Variants in GRM7 observed in about 807,000 individuals in gnomAD.
GRM7 encodes metabotropic glutamate receptor 7.
Under a neutral mutation model 84.5 loss-of-function variants are expected in GRM7, and 35 were observed. The observed-to-expected ratio is 0.41, with a 90% CI of 0.32 to 0.55. GRM7 has a LOEUF of 0.55. Among genes scored for constraint, GRM7 ranks in the 20% least tolerant of loss-of-function variants. GRM7 has a pLI of 0.19. For missense variants in GRM7, 1,003 were observed against 1,194.6 expected, an observed-to-expected ratio of 0.84 and a Z score of 2.36; for synonymous variants, 487 against 455.1, an observed-to-expected ratio of 1.07 and a Z score of -0.89.
At chr3:7,365,834 A>G (rs1693866784) in intron 4 of GRM7, among the ~76,000 whole-genome samples, 1 of 150,662 alleles carries the variant, frequency 6.6e-6, no homozygotes, top group African/African-American at 2.4e-5. Context: ...TTCTCTTTGG[A>G]GGAGGTAGCT....
chr3:7,057,093 C>G (rs751705066), intron 1 of GRM7, among the ~76,000 whole-genome samples: 1 of 151,894 alleles, frequency 6.6e-6, no homozygotes, highest in Non-Finnish European at 1.5e-5. Flanking sequence ...ATTTCAAGAG[C>G]ATTTGGTATG....
intron 2 of GRM7, among the ~76,000 whole-genome samples, chr3:7,149,298 G>T (rs1029656659): frequency 6.6e-6 from 1 of 152,114 alleles, no homozygotes; most frequent in Non-Finnish European, 1.5e-5. Flanking sequence ...ATTTCTGTGG[G>T]CCTCTCATAA....
At chr3:7,645,617 C>G (rs1000703718) in intron 8 of GRM7, among the ~76,000 whole-genome samples, 9 of 149,282 alleles carry the variant, frequency 6.0e-5, no homozygotes, top group Non-Finnish European at 1.2e-4. Flanking sequence ...ACCCACCAAA[C>G]CTAATTGACA....
At chr3:7,652,349 A>G (rs1384290220) in intron 8 of GRM7, among the ~76,000 whole-genome samples, 8 of 152,180 alleles carry the variant, frequency 5.3e-5, no homozygotes, top group African/African-American at 1.9e-4. Flanking sequence ...GGATAGGGAA[A>G]GTTCTCAGAA....
intron 2 of GRM7, among the ~76,000 whole-genome samples, chr3:7,267,812 T>A (rs1029334256): frequency 2.6e-5 from 4 of 152,198 alleles, no homozygotes; most frequent in African/African-American, 9.6e-5. Context: ...GAGTTTTGGC[T>A]CTTTGCCTGA....
chr3:7,148,702 T>C (rs6787474), intron 2 of GRM7, among the ~76,000 whole-genome samples: 88,868 of 152,074 alleles, frequency 0.58, 27,539 homozygotes, highest in African/African-American at 0.8. Flanking sequence ...AAAAAGGAGA[T>C]GCTCTTATAA....
At chr3:7,494,436 T>G (rs551875769) in intron 7 of GRM7, among the ~76,000 whole-genome samples, 1 of 152,206 alleles carries the variant, frequency 6.6e-6, no homozygotes, top group Non-Finnish European at 1.5e-5. Flanking sequence ...TATCTTCACA[T>G]GTTTCTTTAG....
At chr3:6,894,720 C>T (rs1267585564) in intron 1 of GRM7, among the ~76,000 whole-genome samples, 3 of 152,128 alleles carry the variant, frequency 2.0e-5, no homozygotes, top group African/African-American at 7.2e-5. Context: ...AGCAGCTTTA[C>T]TCGATTCTGA....
intron 1 of GRM7, among the ~76,000 whole-genome samples, chr3:7,018,085 A>G (rs923492276): frequency 6.6e-6 from 1 of 152,250 alleles, no homozygotes; most frequent in Non-Finnish European, 1.5e-5. Flanking sequence ...CCATGATAAG[A>G]AAAAGGATAC....
intron 4 of GRM7, among the ~76,000 whole-genome samples, chr3:7,395,171 A>T (rs1193848615): frequency 6.6e-6 from 1 of 152,196 alleles, no homozygotes; most frequent in African/African-American, 2.4e-5. Flanking sequence ...TATGGATCCA[A>T]AATAGACTTT....
chr3:7,723,407 T>C (rs1702019956), intron 9 of GRM7, among the ~76,000 whole-genome samples: 1 of 152,174 alleles, frequency 6.6e-6, no homozygotes, highest in South Asian at 2.1e-4. Context: ...TTCCAGGCTC[T>C]TGTTAGATCC....
chr3:6,864,463 T>C (rs559908528), intron 1 of GRM7, among the ~76,000 whole-genome samples: 9 of 152,270 alleles, frequency 5.9e-5, no homozygotes, highest in African/African-American at 2.2e-4. Context: ...AGAATAATGG[T>C]ATACACACCC....
intron 2 of GRM7, among the ~76,000 whole-genome samples, chr3:7,159,375 T>G (rs1168388908): frequency 6.6e-6 from 1 of 152,188 alleles, no homozygotes; most frequent in South Asian, 2.1e-4. Context: ...AGGACTAAGT[T>G]CATCAGATAG....
At chr3:6,897,014 A>C (rs989941952) in intron 1 of GRM7, among the ~76,000 whole-genome samples, 1 of 152,282 alleles carries the variant, frequency 6.6e-6, no homozygotes, top group African/African-American at 2.4e-5. Flanking sequence ...AGTGTGGTGT[A>C]TTTCTGTTTG....
At chr3:7,145,739 A>T (rs1022283263) in intron 1 of GRM7, among the ~76,000 whole-genome samples, 2 of 152,122 alleles carry the variant, frequency 1.3e-5, no homozygotes, top group Admixed American at 6.5e-5. Context: ...CCCTGAAGGG[A>T]AAAGATAGAA....
intron 1 of GRM7, among the ~76,000 whole-genome samples, chr3:7,123,037 G>A (rs1341970982): frequency 6.6e-6 from 1 of 152,162 alleles, no homozygotes; most frequent in East Asian, 1.9e-4. Flanking sequence ...AGTGAAATTG[G>A]TAAATTAGAA....
At chr3:7,077,872 A>T (rs1052724464) in intron 1 of GRM7, among the ~76,000 whole-genome samples, 2 of 152,132 alleles carry the variant, frequency 1.3e-5, no homozygotes, top group African/African-American at 2.4e-5. Flanking sequence ...GGCTCTGGGG[A>T]TTTAAAACAA....
chr3:7,419,028 G>C (rs1465036377), intron 5 of GRM7, among the ~76,000 whole-genome samples: 1 of 152,112 alleles, frequency 6.6e-6, no homozygotes, highest in African/African-American at 2.4e-5. Flanking sequence ...GCTAACAATG[G>C]AAATTTTCTG....
chr3:6,902,178 G>A (rs759078589), intron 1 of GRM7, among the ~76,000 whole-genome samples: 6 of 152,082 alleles, frequency 3.9e-5, no homozygotes, highest in African/African-American at 9.7e-5. Flanking sequence ...AATGTCTACC[G>A]TGAAGCACAT....
Sources: gnomAD v4.1 joint callset for allele counts (sites outside exome capture counted in the v4.1 genomes callset) on GRCh38, gnomAD v4.1.1 for gene constraint, MANE v1.5 for transcripts, NCBI Gene and HGNC (gene_info 2026-07-23, HGNC 2026-07-21) for gene names.